The following CCDC74A variants were observed in gnomAD, a reference collection of about 807,000 sequenced individuals.
CCDC74A encodes the protein coiled-coil domain containing 74A, also known as coiled-coil domain-containing protein 74A.
CCDC74A carries 38 observed loss-of-function variants against 37.6 expected under a neutral mutation model. The observed-to-expected ratio is 1.01, with a 90% CI of 0.78 to 1.33. The LOEUF is 1.33. CCDC74A is among the 40% of genes most tolerant of loss of function. The pLI, the probability that CCDC74A is intolerant of heterozygous loss-of-function variation, is 0.00. For missense variants in CCDC74A, 340 were observed against 403.4 expected (o/e 0.84, Z 1.35); for synonymous variants, 134 against 165.2 (o/e 0.81, Z 1.45).
intron 2 of CCDC74A, chr2:131,529,918 T>C (rs1680933176): frequency 6.7e-7 from 1 of 1,499,900 alleles, no homozygotes. Context: ...CTGAGGTCAT[T>C]GCAGTGGGGA....
chr2:131,529,382 G>T, intron 1 of CCDC74A: 1 of 629,336 alleles, frequency 1.6e-6, no homozygotes, highest in East Asian at 2.7e-5. Flanking sequence ...GCCCTGCCTG[G>T]GCAGTGTGGA....
At chr2:131,530,916 C>T (rs1573542330) in intron 3 of CCDC74A, 89 bp downstream of exon 3, 1 of 1,559,760 alleles carries the variant, frequency 6.4e-7, no homozygotes, top group East Asian at 2.3e-5. Flanking sequence ...TGACCAGGCG[C>T]CCTCTGCTGG....
chr2:131,525,711 C>CTTTTTTT (rs58721770), upstream of CCDC74A, among the ~76,000 whole-genome samples: 35 of 63,450 alleles, frequency 5.5e-4, no homozygotes, highest in African/African-American at 6.9e-4. Context: ...CTATGCCTGC[C>CTTTTTTT]TTTTTTTTTT....
upstream of CCDC74A, among the ~76,000 whole-genome samples, chr2:131,524,635 C>T (rs1261181587): frequency 5.3e-5 from 8 of 152,092 alleles, no homozygotes; most frequent in African/African-American, 1.9e-4. Flanking sequence ...ATGTTTGCAA[C>T]GTCCCTCCTC....
In CCDC74A at chr2:131,532,757, T is replaced by A. The variant is rs1380549561; in HGVS notation, c.654T>A (p.Asn218Lys). The A allele has an allele frequency of 6.2e-7, 1 of 1,613,590 alleles. No homozygotes were observed. Among genetic ancestry groups the A allele is most frequent in the South Asian group, 1.1e-5 (1 of 91,058 alleles). ...QCEVLIRELW[N>K]TNLLQTQELR... The stretch of plus-strand genomic sequence containing the variant: ...AAGTGCTCATCCGCGAGCTGTGGAA[T>A]ACCAACCTCCTGCAGACCCAAGAGG... Residue 218 changes from asparagine (N) to lysine (K), a missense_variant, in exon 5 of 8, where the codon AAT becomes AAA. Around this residue, in one of 3 missense-constraint regions of CCDC74A, gnomAD observed 185 missense variants for 231.5 expected, o/e 0.80. Transcript: ENST00000409856.
At chr2:131,524,370 C>G (rs2104769225), upstream of CCDC74A, among the ~76,000 whole-genome samples, 1 of 152,298 alleles carries the variant, frequency 6.6e-6, no homozygotes, top group African/African-American at 2.4e-5. Context: ...TGGATGCACT[C>G]ATATCTGGTT....
Position 131,532,710 on chromosome 2 carries a change from C to A in CCDC74A, c.607C>A (p.Pro203Thr), listed in dbSNP as rs1398879751. The A allele has an allele frequency of 6.2e-7, 1 of 1,613,648 alleles. No homozygotes were observed. The highest frequency in any genetic ancestry group is 1.1e-5 in the South Asian group (1 of 91,072). The change falls in exon 5 of 8, where the codon CCC (proline) becomes ACC (threonine). Residue 203 changes from proline to threonine, a missense_variant. By Grantham distance (38) the Pro-to-Thr change is conservative. Around this residue, in one of 3 missense-constraint regions of CCDC74A, gnomAD observed 185 missense variants for 231.5 expected, o/e 0.80. Transcript: ENST00000409856. Reference protein sequence around the residue: ...PMILPLPLRKPTTLRQCEVLI... With the variant: ...PMILPLPLRKTTTLRQCEVLI... ...GATCCTGCCCCTTCCCCTGCGAAAG[C>A]CCACCACACTTAGGCAGTGCGAAGT... is the stretch of plus-strand genomic sequence containing the variant.
chr2:131,527,998 A>T lies in CCDC74A; in HGVS notation c.28A>T (p.Thr10Ser). 4.8e-6 allele frequency: 7 copies of T among 1,460,120 alleles called. No individual in the cohort carries two copies. The highest frequency in any genetic ancestry group is 6.3e-6 in the Non-Finnish European group (7 of 1,106,906). The allele number at this position is 1,460,120 out of a possible 1,614,324, so 90.4% of individuals were successfully genotyped here. ...GAGCGGTGCGGGGGTGGCGGCTGGG[A>T]CGCGGCCCCCCAGCTCGCCGACCCC... MSGAGVAAG[T>S]RPPSSPTPGS... The change falls in exon 1 of 8, where the codon ACG (threonine) becomes TCG (serine). Residue 10 changes from threonine to serine, a missense_variant. Physicochemically the swap from Thr to Ser is moderately conservative, Grantham distance 58. Around this residue, in one of 3 missense-constraint regions of CCDC74A, gnomAD observed 154 missense variants for 153.9 expected, o/e 1.00. Coordinates refer to ENST00000409856, the MANE Select transcript of CCDC74A (RefSeq NM_001258306.3).
Position 131,530,242 on chromosome 2 carries a change from G to C in CCDC74A, c.296-535G>C, listed in dbSNP as rs554550170. On this transcript the variant is annotated intron_variant, in intron 2 of 7. Transcript: ENST00000409856. ...TGACAGCGGCCCCCACCCAGCCCAG[G>C]ATCCTGGGCTGTGGTCTCAAGCTCA... 573 of 1,546,864 alleles carry C rather than the reference G, an allele frequency of 3.7e-4. 5 individuals are homozygous for C. The African/African-American group carries it at 6.9e-3, about 19-fold the overall frequency.
At chr2:131,529,575 A>G (rs1559412117) in intron 1 of CCDC74A, 72 bp from the exon 2 acceptor site, 2 of 1,600,912 alleles carry the variant, frequency 1.2e-6, no homozygotes, top group Admixed American at 3.3e-5. Flanking sequence ...CCAGGAGAGG[A>G]CAGGCCAGGC....
upstream of CCDC74A, among the ~76,000 whole-genome samples, chr2:131,524,886 C>CAAAAAAAAAAAAAAA (rs57589680): frequency 1.0e-5 from 1 of 98,278 alleles, no homozygotes; most frequent in African/African-American, 4.1e-5. Context: ...CATAGTAAGA[C>CAAAAAAAAAAAAAAA]AAAAAAAAAA....
At position 131,530,203 on chromosome 2, in the gene CCDC74A, G is replaced by A. The variant is rs1203194660; in HGVS notation, c.295+512G>A. The A allele has an allele frequency of 1.3e-5, 20 of 1,548,600 alleles. No homozygotes were observed. The Admixed American group carries it at 2.9e-4, about 23-fold the overall frequency. ...CCTGTTTCCTTGCCACTTGTCCAAG[G>A]CACTTCCCCATCCTGACAGCGGCCC... On this transcript the variant is annotated intron_variant, in intron 2 of 7. Coordinates refer to ENST00000409856, the MANE Select transcript of CCDC74A (RefSeq NM_001258306.3).
At chr2:131,530,883 G>A in intron 3 of CCDC74A, 56 bp downstream of exon 3, 1 of 1,595,340 alleles carries the variant, frequency 6.3e-7, no homozygotes, top group Non-Finnish European at 8.6e-7. Context: ...GGGGACCCCA[G>A]CCTGGGTGGC....
chr2:131,533,158 G>T (rs1559439337), intron 7 of CCDC74A, 89 bp downstream of exon 7: 2 of 1,609,134 alleles, frequency 1.2e-6, no homozygotes, highest in East Asian at 4.5e-5. Flanking sequence ...CAGCGCAGAA[G>T]CAGAGCTCGC....
chr2:131,530,062 C>T (rs944041860), intron 2 of CCDC74A: 5 of 1,550,308 alleles, frequency 3.2e-6, no homozygotes, highest in Non-Finnish European at 4.4e-6. Context: ...GATTTCCAGC[C>T]CTATGGCTCT....
upstream of CCDC74A, chr2:131,527,647 A>C: frequency 3.1e-6 from 1 of 324,928 alleles, no homozygotes; most frequent in Non-Finnish European, 5.5e-6. Context: ...GGCTCCCGCC[A>C]CTACACCCGG....
chr2:131,529,484 G>A (rs779018089), intron 1 of CCDC74A, 163 bp from the exon 2 acceptor site: 7 of 937,810 alleles, frequency 7.5e-6, no homozygotes, highest in Admixed American at 1.9e-5. Context: ...TGACACCCAC[G>A]ACGAAGGCGT....
In CCDC74A at chr2:131,530,050, A is replaced by G. The variant is rs1466941300; in HGVS notation, c.295+359A>G. 4 of 1,550,414 alleles carry G rather than the reference A, an allele frequency of 2.6e-6. No homozygotes were observed. In the South Asian group the frequency reaches 3.6e-5, roughly 14 times the overall value. On this transcript the variant is annotated intron_variant, in intron 2 of 7. Coordinates refer to ENST00000409856, the MANE Select transcript of CCDC74A (RefSeq NM_001258306.3). ...TCAGATTGCTGCTGTGGCCAGGCCC[A>G]GGATTTCCAGCCCTATGGCTCTGAG...
At chr2:131,531,457 C>T (rs1573545476) in intron 3 of CCDC74A, among the ~76,000 whole-genome samples, 1 of 149,976 alleles carries the variant, frequency 6.7e-6, no homozygotes, top group Non-Finnish European at 1.5e-5. Context: ...AGAGTGTTCA[C>T]AGGCACCACC....
Sources: allele counts gnomAD v4.1 joint callset (sites outside exome capture counted in the v4.1 genomes callset), GRCh38; gene constraint gnomAD v4.1.1; regional missense constraint gnomAD v4.1.1; transcripts MANE v1.5; gene names NCBI Gene and HGNC (gene_info 2026-07-23, HGNC 2026-07-21).